SPATS2: variants seen among roughly 807,000 people sequenced by gnomAD.
SPATS2 encodes spermatogenesis-associated serine-rich protein 2.
A neutral mutation model predicts 63.7 loss-of-function variants in SPATS2; 38 were observed. That is an observed-to-expected ratio of 0.60 (90% CI 0.46 to 0.78). SPATS2 has a LOEUF of 0.78. SPATS2 is among the 30% of genes least tolerant of loss of function. The pLI is 0.00. For missense variants in SPATS2, 588 were observed against 666.2 expected (o/e 0.88, Z 1.29); for synonymous variants, 207 against 232.9 (o/e 0.89, Z 1.01).
intron 12 of SPATS2, among the ~76,000 whole-genome samples, chr12:49,523,424 G>C (rs879837027): frequency 6.6e-5 from 10 of 152,058 alleles, no homozygotes; most frequent in Non-Finnish European, 1.5e-4. Flanking sequence ...TGAGCCAGGA[G>C]TTTGAGGTTC....
chr12:49,405,640 A>C (rs1378518344), intron 2 of SPATS2, among the ~76,000 whole-genome samples: 3 of 150,608 alleles, frequency 2.0e-5, no homozygotes, highest in Non-Finnish European at 3.0e-5. Context: ...TAGAGGTTGC[A>C]GTTAGCCGAG....
At chr12:49,501,098 T>C (rs1341166194) in intron 9 of SPATS2, among the ~76,000 whole-genome samples, 2 of 152,146 alleles carry the variant, frequency 1.3e-5, no homozygotes, top group African/African-American at 2.4e-5. Flanking sequence ...ACTACAGGCA[T>C]GTACCACCAC....
chr12:49,403,635 ACACAC>A (rs1565704937), intron 2 of SPATS2, among the ~76,000 whole-genome samples: 2 of 150,270 alleles, frequency 1.3e-5, no homozygotes, highest in African/African-American at 5.0e-5. Context: ...ACACACACAC[ACACAC>A]AAACAAAACT....
intron 2 of SPATS2, among the ~76,000 whole-genome samples, chr12:49,398,396 G>C (rs1565702291): frequency 1.3e-5 from 2 of 152,158 alleles, no homozygotes; most frequent in Admixed American, 6.5e-5. Context: ...GAACGTTACA[G>C]AATATTGGTG....
intron 2 of SPATS2, among the ~76,000 whole-genome samples, chr12:49,412,231 G>A (rs990188060): frequency 6.6e-6 from 1 of 151,986 alleles, no homozygotes; most frequent in East Asian, 1.9e-4. Context: ...TTCTCTCTCT[G>A]TCGCCTAGGC....
chr12:49,405,533 T>C (rs1325663736), intron 2 of SPATS2, among the ~76,000 whole-genome samples: 1 of 152,096 alleles, frequency 6.6e-6, no homozygotes, highest in Non-Finnish European at 1.5e-5. Flanking sequence ...ACCCCGTCTT[T>C]ACTAAAAATA....
At chr12:49,421,195 G>A (rs1222438368) in intron 2 of SPATS2, among the ~76,000 whole-genome samples, 1 of 151,950 alleles carries the variant, frequency 6.6e-6, no homozygotes, top group Non-Finnish European at 1.5e-5. Flanking sequence ...CGAGGCGGGC[G>A]GATCATGAGG....
intron 2 of SPATS2, among the ~76,000 whole-genome samples, chr12:49,440,408 TATC>T (rs553587709): frequency 1.5e-3 from 227 of 152,274 alleles, no homozygotes; most frequent in African/African-American, 5.3e-3. Flanking sequence ...TATATTTAGT[TATC>T]ATGTCTTCAG....
At chr12:49,493,002 T>G (rs11615710) in intron 6 of SPATS2, among the ~76,000 whole-genome samples, 52,448 of 150,796 alleles carry the variant, frequency 0.35, 12,692 homozygotes, top group African/African-American at 0.69. Context: ...GGAGGCCAAG[T>G]CAGGAGAATT....
intron 2 of SPATS2, among the ~76,000 whole-genome samples, chr12:49,457,469 T>C (rs776219746): frequency 6.6e-6 from 1 of 151,980 alleles, no homozygotes; most frequent in Non-Finnish European, 1.5e-5. Flanking sequence ...GTTTTGCTCT[T>C]GTTGCCCAGG....
intron 2 of SPATS2, among the ~76,000 whole-genome samples, chr12:49,373,701 C>T (rs908975724): frequency 2.0e-5 from 3 of 151,952 alleles, no homozygotes; most frequent in South Asian, 2.1e-4. Flanking sequence ...CCAAGGTGGG[C>T]GGATCATCAG....
chr12:49,479,744 CA>C (rs1259530347), intron 3 of SPATS2, among the ~76,000 whole-genome samples: 1 of 152,148 alleles, frequency 6.6e-6, no homozygotes, highest in African/African-American at 2.4e-5. Context: ...TGTTAGTACT[CA>C]ACTTACTTTA....
intron 2 of SPATS2, among the ~76,000 whole-genome samples, chr12:49,385,260 C>A (rs1165412651): frequency 2.0e-5 from 3 of 147,258 alleles, no homozygotes; most frequent in South Asian, 4.3e-4. Flanking sequence ...TAGTATTTCA[C>A]GGGGTAATAA....
At chr12:49,490,824 AC>A in intron 6 of SPATS2, 93 bp downstream of exon 6, 1 of 1,182,812 alleles carries the variant, frequency 8.5e-7, no homozygotes, top group Non-Finnish European at 1.2e-6. Context: ...AGGTTCACAT[AC>A]ATATCTTCTG....
intron 2 of SPATS2, among the ~76,000 whole-genome samples, chr12:49,388,972 G>C (rs1038873711): frequency 6.6e-6 from 1 of 152,120 alleles, no homozygotes; most frequent in Non-Finnish European, 1.5e-5. Context: ...GGGATTACAA[G>C]TGTGAGCCAT....
At position 49,524,668 on chromosome 12, in the gene SPATS2, T is replaced by C; in HGVS notation, c.1112-14T>C. On this transcript the variant is annotated splice_polypyrimidine_tract_variant and intron_variant, in intron 12 of 13. Transcript: ENST00000552918. ...CTATCATATGATCATATATTCCTCA[T>C]ATTTCTGTTTCAGTGTCTCATCCAA... 1 of 1,613,446 alleles carries C rather than the reference T, an allele frequency of 6.2e-7. No homozygotes were observed. Among genetic ancestry groups the C allele is most frequent in the Non-Finnish European group, 8.5e-7 (1 of 1,179,374 alleles).
At chr12:49,464,845 C>G (rs893186954) in intron 3 of SPATS2, among the ~76,000 whole-genome samples, 4 of 151,870 alleles carry the variant, frequency 2.6e-5, no homozygotes, top group Non-Finnish European at 5.9e-5. Context: ...GAAACAAAAC[C>G]CTCTTTTCCT....
At chr12:49,420,360 G>T (rs567763676) in intron 2 of SPATS2, among the ~76,000 whole-genome samples, 66 of 152,276 alleles carry the variant, frequency 4.3e-4, no homozygotes, top group African/African-American at 1.5e-3. Context: ...TTGGGAGGCC[G>T]CGGCCAGCAG....
In SPATS2 at chr12:49,514,462, A is replaced by G. The variant is rs1946806064; in HGVS notation, c.840-93A>G. 3 of 1,192,088 alleles carry G rather than the reference A, an allele frequency of 2.5e-6. No individual in the cohort carries two copies. The South Asian group carries it at 4.2e-5, about 17-fold the overall frequency. 73.8% of individuals were successfully genotyped at this position (1,192,088 alleles called of 1,614,324 possible). On this transcript the variant is annotated intron_variant, in intron 9 of 13. Transcript: ENST00000552918. ...ATTTTTTAGTATGCTTTTAGCAAAC[A>G]AACTCACTGGTCTTTCTTTACTATT...
Sources: gnomAD v4.1 joint callset for allele counts (sites outside exome capture counted in the v4.1 genomes callset) on GRCh38, gnomAD v4.1.1 for gene constraint, MANE v1.5 for transcripts, NCBI Gene and HGNC (gene_info 2026-07-23, HGNC 2026-07-21) for gene names.